The following COL24A1 variants were observed in gnomAD, a reference collection of about 807,000 sequenced individuals.
The protein encoded by COL24A1 is collagen type XXIV alpha 1 chain.
A neutral mutation model predicts 253.9 loss-of-function variants in COL24A1; 224 were observed. The observed-to-expected ratio is 0.88, with a 90% confidence interval of 0.79 to 0.99. The LOEUF (loss-of-function observed/expected upper bound fraction) is 0.99. COL24A1 is among the 50% of genes least tolerant of loss of function. COL24A1 has a pLI of 0.00. For synonymous variants in COL24A1, 685 were observed against 673.7 expected (o/e 1.02, Z -0.26); for missense variants, 2,131 against 2,068.5 (o/e 1.03, Z -0.59).
intron 5 of COL24A1, among the ~76,000 whole-genome samples, chr1:86,106,699 AT>A (rs1327942526): frequency 6.6e-6 from 1 of 152,204 alleles, no homozygotes; most frequent in Non-Finnish European, 1.5e-5. Flanking sequence ...CCCAGGTGGC[AT>A]TTGATAACAA....
chr1:85,746,849 C>T (rs538373136), intron 55 of COL24A1, among the ~76,000 whole-genome samples: 21 of 152,140 alleles, frequency 1.4e-4, no homozygotes, highest in South Asian at 2.1e-4. Flanking sequence ...ATCCTGCTTG[C>T]GTGAATGAGC....
chr1:85,817,048 AT>A (rs1220566108), intron 46 of COL24A1, among the ~76,000 whole-genome samples, 153 bp from the exon 47 acceptor site: 2 of 152,188 alleles, frequency 1.3e-5, no homozygotes, highest in Non-Finnish European at 2.9e-5. Flanking sequence ...ATGATTTACT[AT>A]TTGGATTCAA....
At chr1:85,854,528 G>C (rs1397619244) in intron 37 of COL24A1, among the ~76,000 whole-genome samples, 3 of 151,986 alleles carry the variant, frequency 2.0e-5, no homozygotes, top group African/African-American at 4.8e-5. Flanking sequence ...TGATAGGACT[G>C]GCATTGAGTC....
intron 7 of COL24A1, among the ~76,000 whole-genome samples, chr1:86,068,733 AGAAGAGT>A (rs1281689913): frequency 6.6e-6 from 1 of 152,030 alleles, no homozygotes; most frequent in African/African-American, 2.4e-5. Context: ...GCATAAGGAG[AGAAGAGT>A]GAAGAGTAAA....
intron 47 of COL24A1, among the ~76,000 whole-genome samples, chr1:85,804,645 G>A (rs182757950): frequency 1.3e-3 from 194 of 152,184 alleles, no homozygotes; most frequent in African/African-American, 3.0e-3. Context: ...GGCAACTCCC[G>A]TTTTTAAAGC....
At chr1:85,852,411 C>T (rs1020111027) in intron 37 of COL24A1, among the ~76,000 whole-genome samples, 4 of 152,122 alleles carry the variant, frequency 2.6e-5, no homozygotes, top group Non-Finnish European at 4.4e-5. Context: ...ACAACCATCC[C>T]ACCTCTGCAC....
intron 5 of COL24A1, among the ~76,000 whole-genome samples, chr1:86,106,430 A>G (rs746546883): frequency 1.2e-4 from 19 of 152,168 alleles, no homozygotes; most frequent in Non-Finnish European, 2.6e-4. Flanking sequence ...AATATAAGAC[A>G]TGAATGTTTG....
intron 28 of COL24A1, among the ~76,000 whole-genome samples, chr1:85,906,112 T>A (rs1465336310): frequency 6.6e-6 from 1 of 151,826 alleles, no homozygotes; most frequent in African/African-American, 2.4e-5. Context: ...GGAAGGAAAA[T>A]AGTTTTTCAG....
rs1272676207 is a variant in COL24A1 at position 85,832,642 on chromosome 1, G to A, written c.3681+5943C>T. 1.7e-4 allele frequency among the ~76,000 whole-genome samples: 25 copies of A among 150,620 alleles called. 1 individual carries two copies. The highest frequency in any genetic ancestry group is 3.9e-4 in the East Asian group (2 of 5,144). On this transcript the variant is annotated intron_variant, in intron 43 of 59. Transcript: ENST00000370571. ...AGTTCTCCTTGAAGAGGTCCTTCACGTCCCTTGTAAGTTGGATTCCTAGGT... is the reference window on the plus strand; with the variant it reads ...AGTTCTCCTTGAAGAGGTCCTTCACATCCCTTGTAAGTTGGATTCCTAGGT...
intron 2 of COL24A1, among the ~76,000 whole-genome samples, chr1:86,129,903 T>G (rs1289836511): frequency 2.0e-5 from 3 of 151,824 alleles, no homozygotes; most frequent in Non-Finnish European, 4.4e-5. Context: ...TTTATGTTAT[T>G]TATATCCTCT....
chr1:86,074,424 G>A (rs576852032), intron 7 of COL24A1, among the ~76,000 whole-genome samples: 1 of 152,258 alleles, frequency 6.6e-6, no homozygotes, highest in African/African-American at 2.4e-5. Context: ...AAATATACAT[G>A]CACCCAATAC....
At chr1:85,974,860 T>C (rs958100339) in intron 20 of COL24A1, among the ~76,000 whole-genome samples, 4 of 152,194 alleles carry the variant, frequency 2.6e-5, no homozygotes, top group African/African-American at 9.6e-5. Context: ...TATAGAATCA[T>C]GTTACCATCA....
At chr1:85,865,888 A>C (rs1295433518) in intron 37 of COL24A1, among the ~76,000 whole-genome samples, 1 of 152,180 alleles carries the variant, frequency 6.6e-6, no homozygotes, top group Non-Finnish European at 1.5e-5. Flanking sequence ...CAAAGATGAA[A>C]ATTATTAAGA....
chr1:85,823,722 G>A lies in COL24A1; in HGVS notation c.3698C>T (p.Pro1233Leu), dbSNP rs764224454. 6.2e-7 allele frequency: 1 copy of A among 1,613,582 alleles called. No individual in the cohort carries two copies. The highest frequency in any genetic ancestry group is 8.5e-7 in the Non-Finnish European group (1 of 1,179,754). The part of the protein sequence containing the change: ...AEGYKGHVGV[P>L]GLRGATGQQG... ...TTGTCCAGTGGCACCTCTTAGTCCT[G>A]GTACACCCACATGGCCCTAGAAATA... The change falls in exon 44 of 60, where the codon CCA becomes CTA. Residue 1233 changes from proline (P) to leucine (L), a missense_variant. Pro to Leu is a moderately conservative substitution (Grantham distance 98). Transcript: ENST00000370571.
chr1:85,966,319 T>C (rs1008483681), intron 22 of COL24A1, among the ~76,000 whole-genome samples: 3 of 152,266 alleles, frequency 2.0e-5, no homozygotes, highest in Admixed American at 6.5e-5. Flanking sequence ...TAGTTTGATA[T>C]GCTTGTTAGA....
intron 43 of COL24A1, among the ~76,000 whole-genome samples, chr1:85,831,643 A>T (rs921647351): frequency 7.2e-5 from 11 of 152,228 alleles, no homozygotes; most frequent in Non-Finnish European, 1.3e-4. Flanking sequence ...TAGTGGTGGG[A>T]TGAGTTGAAT....
chr1:85,737,969 G>T (rs1664231596), intron 57 of COL24A1, among the ~76,000 whole-genome samples: 1 of 152,066 alleles, frequency 6.6e-6, no homozygotes, highest in African/African-American at 2.4e-5. Flanking sequence ...AATGAATGCT[G>T]CATTATGTAA....
At position 85,896,038 on chromosome 1, in the gene COL24A1, C is replaced by T; in HGVS notation, c.2860G>A (p.Gly954Arg). The T allele has an allele frequency of 1.2e-6, 2 of 1,612,508 alleles. No individual in the cohort carries two copies. Among genetic ancestry groups the T allele is most frequent in the Non-Finnish European group, 8.5e-7 (1 of 1,179,564 alleles). Residue 954 changes from glycine (G) to arginine (R), a missense_variant, in exon 30 of 60, where the codon GGG (glycine) becomes AGG (arginine). Coordinates refer to ENST00000370571, the MANE Select transcript of COL24A1 (RefSeq NM_152890.7). The part of the protein sequence containing the change: ...KGEKGDQGKR[G>R]PHGLIGKTGN... ...TTACTTACAATAAGACCATGAGGCCCTCTTTTTCCTTGATCTCCTTTTTCA... is the reference window on the plus strand; with the variant it reads ...TTACTTACAATAAGACCATGAGGCCTTCTTTTTCCTTGATCTCCTTTTTCA...
At chr1:86,081,297 T>G (rs1313566879) in intron 7 of COL24A1, among the ~76,000 whole-genome samples, 1 of 110,544 alleles carries the variant, frequency 9.0e-6, no homozygotes, top group African/African-American at 3.6e-5. Context: ...TTTCCAAGAA[T>G]TCTTCTAATG....
Sources: allele counts gnomAD v4.1 joint callset (sites outside exome capture counted in the v4.1 genomes callset), GRCh38; gene constraint gnomAD v4.1.1; transcripts MANE v1.5; gene names NCBI Gene and HGNC (gene_info 2026-07-23, HGNC 2026-07-21).